Variants in KCNAB1 observed in about 807,000 individuals in gnomAD.
KCNAB1 encodes voltage-gated potassium channel subunit beta-1.
In KCNAB1, 35 loss-of-function variants were observed where a neutral mutation model predicts 64.6. The observed-to-expected ratio is 0.54, with a 90% CI of 0.41 to 0.72. KCNAB1 has a LOEUF of 0.72. KCNAB1 is among the 30% of genes least tolerant of loss of function. The probability of loss-of-function intolerance (pLI) is 0.00; values close to 1 mark genes in which losing one functional copy is unlikely to be tolerated. For synonymous variants in KCNAB1, 177 were observed against 183.8 expected (o/e 0.96, Z 0.30); for missense variants, 401 against 512.9 (o/e 0.78, Z 2.11).
At chr3:156,521,997 GTGTA>G (rs1717969495) in intron 11 of KCNAB1, among the ~76,000 whole-genome samples, 1 of 146,758 alleles carries the variant, frequency 6.8e-6, no homozygotes, top group African/African-American at 2.5e-5. Flanking sequence ...TGAAAATGGT[GTGTA>G]TGTGTGTGTC....
At chr3:156,407,567 A>G (rs554054685) in intron 1 of KCNAB1, among the ~76,000 whole-genome samples, 3 of 152,314 alleles carry the variant, frequency 2.0e-5, no homozygotes, top group African/African-American at 4.8e-5. Flanking sequence ...ATGAATAATC[A>G]ACCTTTGAGA....
chr3:156,297,989 G>T (rs1380036053), intron 1 of KCNAB1, among the ~76,000 whole-genome samples: 1 of 152,062 alleles, frequency 6.6e-6, no homozygotes, highest in Non-Finnish European at 1.5e-5. Flanking sequence ...ATTGTTTTTT[G>T]GTAAAGAATA....
chr3:156,352,774 C>T (rs2108088082), intron 1 of KCNAB1, among the ~76,000 whole-genome samples: 1 of 152,348 alleles, frequency 6.6e-6, no homozygotes, highest in African/African-American at 2.4e-5. Context: ...CCCCCAACCA[C>T]AGGAAAAAGG....
intron 1 of KCNAB1, among the ~76,000 whole-genome samples, chr3:156,147,065 G>C (rs1320193904): frequency 1.3e-5 from 2 of 152,136 alleles, no homozygotes; most frequent in African/African-American, 4.8e-5. Flanking sequence ...TGCCAAGAAA[G>C]ACCAAAAGAG....
chr3:156,525,153 A>G (rs988348731), intron 12 of KCNAB1, among the ~76,000 whole-genome samples: 21 of 148,172 alleles, frequency 1.4e-4, no homozygotes, highest in African/African-American at 4.7e-4. Flanking sequence ...TCTTACTAGG[A>G]AAAAAAAAAA....
intron 8 of KCNAB1, among the ~76,000 whole-genome samples, chr3:156,513,102 C>T (rs1717322309): frequency 6.6e-6 from 1 of 152,136 alleles, no homozygotes; most frequent in Non-Finnish European, 1.5e-5. Context: ...GTCCCAGCTA[C>T]TCGGGAGGCT....
intron 1 of KCNAB1, among the ~76,000 whole-genome samples, chr3:156,286,110 A>C (rs1328914386): frequency 6.6e-6 from 1 of 152,200 alleles, no homozygotes; most frequent in Non-Finnish European, 1.5e-5. Flanking sequence ...GAGGGTAGAC[A>C]TCTGGAAGTT....
intron 1 of KCNAB1, among the ~76,000 whole-genome samples, chr3:156,159,622 C>T (rs868699249): frequency 2.5e-4 from 38 of 152,118 alleles, no homozygotes; most frequent in Admixed American, 7.9e-4. Flanking sequence ...ATTCTTCATA[C>T]GCGAAGACTA....
intron 1 of KCNAB1, among the ~76,000 whole-genome samples, chr3:156,165,230 A>G (rs1257375918): frequency 7.3e-6 from 1 of 137,324 alleles, no homozygotes; most frequent in Non-Finnish European, 1.5e-5. Context: ...GTGAGCCGAG[A>G]TCCCGCCACT....
At chr3:156,448,896 C>G (rs1711788132) in intron 2 of KCNAB1, among the ~76,000 whole-genome samples, 2 of 152,032 alleles carry the variant, frequency 1.3e-5, no homozygotes, top group East Asian at 3.9e-4. Flanking sequence ...ACTAAGAACC[C>G]ACTTCTATTC....
intron 12 of KCNAB1, among the ~76,000 whole-genome samples, chr3:156,527,705 T>TTGTAAA (rs887469562): frequency 6.6e-6 from 1 of 152,162 alleles, no homozygotes; most frequent in Non-Finnish European, 1.5e-5. Context: ...ACTTCTTTCT[T>TTGTAAA]TGTAAATAAA....
Position 156,536,791 on chromosome 3 carries a change from C to A in KCNAB1, c.*44C>A. The A allele has an allele frequency of 7.5e-7, 1 of 1,341,634 alleles. No individual in the cohort carries two copies. The highest frequency in any genetic ancestry group is 1.1e-6 in the Non-Finnish European group (1 of 932,360). The allele number at this position is 1,341,634 out of a possible 1,614,324, so 83.1% of individuals were successfully genotyped here. On this transcript the variant is annotated 3_prime_UTR_variant, in exon 14 of 14. Coordinates refer to ENST00000490337, the MANE Select transcript of KCNAB1 (RefSeq NM_172160.3). ...GAAGCTGCATGGTTAAAATAGCGGCCTGTGCCCAGTACAGAAAGGTGTTAC... is the reference window on the plus strand; with the variant it reads ...GAAGCTGCATGGTTAAAATAGCGGCATGTGCCCAGTACAGAAAGGTGTTAC...
At chr3:156,387,158 G>A (rs1378298002) in intron 1 of KCNAB1, among the ~76,000 whole-genome samples, 2 of 152,052 alleles carry the variant, frequency 1.3e-5, no homozygotes. Flanking sequence ...TTGACACAGG[G>A]ATGAAGTCCC....
chr3:156,257,248 A>T (rs945437628), intron 1 of KCNAB1, among the ~76,000 whole-genome samples: 1 of 152,166 alleles, frequency 6.6e-6, no homozygotes, highest in Non-Finnish European at 1.5e-5. Context: ...TCCTTGTGAA[A>T]AACTTGTGCT....
At chr3:156,415,018 C>T (rs1402732972) in intron 1 of KCNAB1, among the ~76,000 whole-genome samples, 1 of 152,182 alleles carries the variant, frequency 6.6e-6, no homozygotes, top group African/African-American at 2.4e-5. Flanking sequence ...CTCTGATTCC[C>T]ACTTTTTCTA....
In KCNAB1 at chr3:156,507,490, T is replaced by A. The variant is rs900805904; in HGVS notation, c.659-6874T>A. Reference sequence around the variant, plus strand: ...AGGATGACATCATTTCATTTATGATTATAAGTTTCCAGTCCTCTGAAGAAT... The same window carrying A: ...AGGATGACATCATTTCATTTATGATAATAAGTTTCCAGTCCTCTGAAGAAT... On this transcript the variant is annotated intron_variant, in intron 8 of 13. Transcript: ENST00000490337. Among the ~76,000 whole-genome samples, 3 of 152,334 alleles carry A rather than the reference T, an allele frequency of 2.0e-5. No individual in the cohort carries two copies. In the South Asian group the frequency reaches 6.2e-4, roughly 32 times the overall value.
chr3:156,149,026 C>T (rs755157897), intron 1 of KCNAB1, among the ~76,000 whole-genome samples: 7 of 152,136 alleles, frequency 4.6e-5, no homozygotes, highest in Non-Finnish European at 1.0e-4. Context: ...TGCTGCATTT[C>T]CAGTGCCTGG....
intron 8 of KCNAB1, among the ~76,000 whole-genome samples, chr3:156,509,532 C>T (rs1025329514): frequency 6.6e-6 from 1 of 152,060 alleles, no homozygotes; most frequent in African/African-American, 2.4e-5. Context: ...GGCCTCACCC[C>T]CAAGAGATTC....
At chr3:156,517,174 A>G (rs367664583) in intron 11 of KCNAB1, among the ~76,000 whole-genome samples, 2 of 152,232 alleles carry the variant, frequency 1.3e-5, no homozygotes, top group African/African-American at 4.8e-5. Flanking sequence ...TAAGCCTGAC[A>G]CAACTTCTTG....
Sources: gnomAD v4.1 joint callset for allele counts (sites outside exome capture counted in the v4.1 genomes callset) on GRCh38, gnomAD v4.1.1 for gene constraint, MANE v1.5 for transcripts, NCBI Gene and HGNC (gene_info 2026-07-23, HGNC 2026-07-21) for gene names.